The following ADGRA3 variants were observed in gnomAD, a reference collection of about 807,000 sequenced individuals.
ADGRA3 encodes adhesion G protein-coupled receptor A3, also known as G-protein coupled receptor 125.
A neutral mutation model predicts 119.8 loss-of-function variants in ADGRA3; 56 were observed. The ratio of observed to expected loss-of-function variants is 0.47; its 90% CI spans 0.38 to 0.58. The LOEUF is 0.58. ADGRA3 is among the 20% of genes least tolerant of loss of function. ADGRA3 has a pLI of 0.00. For synonymous variants in ADGRA3, 607 were observed against 623.8 expected, an observed-to-expected ratio of 0.97 and a Z score of 0.40; for missense variants, 1,516 against 1,649.0, an observed-to-expected ratio of 0.92 and a Z score of 1.40.
In ADGRA3 at chr4:22,413,207, G is replaced by C; in HGVS notation, c.2207C>G (p.Ser736Cys). 6.2e-7 allele frequency: 1 copy of C among 1,613,542 alleles called. No individual in the cohort carries two copies. The highest frequency in any genetic ancestry group is 8.5e-7 in the Non-Finnish European group (1 of 1,179,516). The change falls in exon 14 of 19, where the codon TCC (serine) becomes TGC (cysteine). Residue 736 changes from serine to cysteine, a missense_variant. Physicochemically the swap from Ser to Cys is moderately radical, Grantham distance 112. Coordinates refer to ENST00000334304, the MANE Select transcript of ADGRA3 (RefSeq NM_145290.4). ...CATTAAAACTGCATAGTTACTAAGG[G>C]AGTAGCACTGAATCGTAGTGATATT... ...DENITTIQCY[S>C]LSNYAVLMDL...
intron 5 of ADGRA3, 95 bp from the exon 6 acceptor site, chr4:22,445,228 T>C (rs1716788285): frequency 9.4e-7 from 1 of 1,058,638 alleles, no homozygotes; most frequent in African/African-American, 1.6e-5. Flanking sequence ...GCAAGCACAA[T>C]ACTGTTCACC....
At chr4:22,473,592 A>T (rs1340232929) in intron 2 of ADGRA3, among the ~76,000 whole-genome samples, 180 bp downstream of exon 2, 1 of 152,214 alleles carries the variant, frequency 6.6e-6, no homozygotes, top group East Asian at 1.9e-4. Context: ...CTGGCCCTTT[A>T]CAGAATTTAG....
intron 17 of ADGRA3, among the ~76,000 whole-genome samples, chr4:22,390,102 A>C (rs1466002538): frequency 6.6e-6 from 1 of 151,954 alleles, no homozygotes; most frequent in Non-Finnish European, 1.5e-5. Context: ...GATTAGAGAG[A>C]TGCCAATAAT....
chr4:22,479,242 T>A (rs1718163440), intron 1 of ADGRA3, among the ~76,000 whole-genome samples: 1 of 152,026 alleles, frequency 6.6e-6, no homozygotes. Context: ...GGCGGGCGGA[T>A]CATGAGGTCA....
At chr4:22,449,897 A>G (rs1158294939) in intron 4 of ADGRA3, among the ~76,000 whole-genome samples, 1 of 152,084 alleles carries the variant, frequency 6.6e-6, no homozygotes, top group African/African-American at 2.4e-5. Flanking sequence ...AGGTTCTAAT[A>G]TGCATATTAT....
chr4:22,415,171 T>A (rs541138366), intron 12 of ADGRA3, among the ~76,000 whole-genome samples: 120 of 152,244 alleles, frequency 7.9e-4, no homozygotes, highest in African/African-American at 2.8e-3. Flanking sequence ...GAAACCTCTA[T>A]GTTAATAGTT....
chr4:22,420,032 C>T (rs1371343215), intron 12 of ADGRA3: 2 of 152,544 alleles, frequency 1.3e-5, no homozygotes, highest in Non-Finnish European at 2.9e-5. Context: ...TACAAAAATA[C>T]ACTAATTCGT....
intron 10 of ADGRA3, among the ~76,000 whole-genome samples, chr4:22,432,301 G>C (rs1283606404): frequency 1.3e-5 from 2 of 152,122 alleles, no homozygotes; most frequent in African/African-American, 2.4e-5. Context: ...ATGGCAGGGA[G>C]GGGGAACTCA....
intron 1 of ADGRA3, among the ~76,000 whole-genome samples, chr4:22,506,322 G>A (rs1719239339): frequency 1.3e-5 from 2 of 152,108 alleles, no homozygotes; most frequent in African/African-American, 4.8e-5. Flanking sequence ...GGAGGCCAAG[G>A]TGCACCAATC....
At chr4:22,439,124 T>G (rs1716512595) in intron 7 of ADGRA3, among the ~76,000 whole-genome samples, 4 of 152,192 alleles carry the variant, frequency 2.6e-5, no homozygotes, top group Admixed American at 1.3e-4. Context: ...GAAGAAAATA[T>G]TCAAACATGA....
chr4:22,447,492 AC>A lies in ADGRA3; in HGVS notation c.492del (p.Leu164PhefsTer39). On this transcript the variant is annotated frameshift_variant, in exon 5 of 19. Transcript: ENST00000334304. LOFTEE classifies it high-confidence loss of function. ...AAAGTTCCTTGAGATAATGAAGAAA[AC>A]AAATTCCCCGAAAGGTTTCTGAAAG... ...NLVRLNLSGN[L>X]FSSLSQGTFD... 6.3e-7 allele frequency: 1 copy of A among 1,578,870 alleles called. No homozygotes were observed. Among genetic ancestry groups the A allele is most frequent in the Non-Finnish European group, 8.6e-7 (1 of 1,163,480 alleles).
intron 10 of ADGRA3, among the ~76,000 whole-genome samples, chr4:22,432,640 T>C (rs192815970): frequency 6.8e-4 from 103 of 152,316 alleles, no homozygotes; most frequent in African/African-American, 2.3e-3. Flanking sequence ...TTATAAAATA[T>C]GCATATTGTT....
intron 16 of ADGRA3, chr4:22,398,103 T>C: frequency 1.0e-6 from 1 of 985,404 alleles, no homozygotes; most frequent in Non-Finnish European, 1.2e-6. Context: ...ATCTGACTTC[T>C]TGTAGGCAGT....
chr4:22,410,391 C>T (rs1351966907), intron 14 of ADGRA3, among the ~76,000 whole-genome samples: 1 of 152,088 alleles, frequency 6.6e-6, no homozygotes, highest in African/African-American at 2.4e-5. Context: ...CTAATTTCTG[C>T]TTAATTTTTT....
intron 1 of ADGRA3, among the ~76,000 whole-genome samples, chr4:22,477,356 A>G (rs186050162): frequency 1.1e-3 from 169 of 152,306 alleles, no homozygotes; most frequent in African/African-American, 3.7e-3. Context: ...CTTCAACTTC[A>G]TTTTTAAGAC....
intron 3 of ADGRA3, among the ~76,000 whole-genome samples, chr4:22,458,660 T>C (rs1168041053): frequency 2.0e-5 from 3 of 152,176 alleles, no homozygotes; most frequent in Admixed American, 6.5e-5. Context: ...ACCTGGTTGA[T>C]AGTCCTTTTA....
At chr4:22,476,317 A>G (rs1365561337) in intron 1 of ADGRA3, among the ~76,000 whole-genome samples, 1 of 152,146 alleles carries the variant, frequency 6.6e-6, no homozygotes, top group Non-Finnish European at 1.5e-5. Flanking sequence ...GGCACTCACC[A>G]AACTGACAAA....
chr4:22,413,925 T>C (rs1715327738), intron 12 of ADGRA3, 111 bp from the exon 13 acceptor site: 7 of 657,858 alleles, frequency 1.1e-5, no homozygotes, highest in Non-Finnish European at 1.7e-5. Context: ...CTTCATTTTT[T>C]AAATTGGATA....
chr4:22,464,288 T>C (rs534909652), intron 2 of ADGRA3, among the ~76,000 whole-genome samples: 12 of 152,324 alleles, frequency 7.9e-5, no homozygotes, highest in African/African-American at 2.6e-4. Flanking sequence ...CCCTAACTTT[T>C]TGGGGTTTTG....
Sources: gnomAD v4.1 joint callset for allele counts (sites outside exome capture counted in the v4.1 genomes callset) on GRCh38, gnomAD v4.1.1 for gene constraint, MANE v1.5 for transcripts, NCBI Gene and HGNC (gene_info 2026-07-23, HGNC 2026-07-21) for gene names.